Variants in ATP10A observed in about 807,000 individuals in gnomAD.
The protein encoded by ATP10A is phospholipid-transporting ATPase VA.
ATP10A carries 111 observed loss-of-function variants against 147.8 expected under a neutral mutation model. The ratio of observed to expected loss-of-function variants is 0.75; its 90% CI spans 0.64 to 0.88. The LOEUF (loss-of-function observed/expected upper bound fraction) is 0.88, where lower values mean the gene tolerates loss of function less well. Among genes scored for constraint, ATP10A ranks in the 40% least tolerant of loss-of-function variants. The probability of loss-of-function intolerance (pLI) is 0.00; values close to 1 mark genes in which losing one functional copy is unlikely to be tolerated. For synonymous variants in ATP10A, 875 were observed against 841.6 expected, an observed-to-expected ratio of 1.04 and a Z score of -0.69; for missense variants, 1,927 against 1,959.0, an observed-to-expected ratio of 0.98 and a Z score of 0.31.
chr15:25,838,490 A>G (rs954996286), intron 1 of ATP10A, among the ~76,000 whole-genome samples: 2 of 152,182 alleles, frequency 1.3e-5, no homozygotes, highest in African/African-American at 4.8e-5. Context: ...CACACTGTTA[A>G]TATGAAAGCC....
chr15:25,780,826 C>T (rs1248699241), intron 2 of ATP10A, among the ~76,000 whole-genome samples, 193 bp downstream of exon 2: 1 of 152,218 alleles, frequency 6.6e-6, no homozygotes, highest in African/African-American at 2.4e-5. Context: ...CTGAATCCTG[C>T]TTCCCACAGT....
intron 12 of ATP10A, among the ~76,000 whole-genome samples, chr15:25,706,732 G>A (rs902932188): frequency 3.3e-5 from 5 of 152,190 alleles, no homozygotes; most frequent in African/African-American, 1.2e-4. Flanking sequence ...GGCACCGGAG[G>A]GCCAATTTCA....
At chr15:25,721,618 G>T in intron 7 of ATP10A, 39 bp downstream of exon 7, 1 of 1,559,900 alleles carries the variant, frequency 6.4e-7, no homozygotes. Flanking sequence ...CAGCTTTCTG[G>T]TTCAGCCTGG....
chr15:25,775,402 C>T (rs905509543), intron 2 of ATP10A, among the ~76,000 whole-genome samples: 3 of 152,210 alleles, frequency 2.0e-5, no homozygotes, highest in Non-Finnish European at 4.4e-5. Flanking sequence ...AGCCTGAATA[C>T]ACCAGGCCCC....
Position 25,681,672 on chromosome 15 carries a change from A to G in ATP10A, c.3493-598T>C, listed in dbSNP as rs375247633. On this transcript the variant is annotated intron_variant, in intron 17 of 20. Coordinates refer to ENST00000555815, the MANE Select transcript of ATP10A (RefSeq NM_024490.4). Reference sequence around the variant, plus strand: ...GAGGCCCGATGAAAAGCACTACCAAACACCTACAAAACTATCTGCAGCTGC... The same window carrying G: ...GAGGCCCGATGAAAAGCACTACCAAGCACCTACAAAACTATCTGCAGCTGC... 1.7e-4 allele frequency among the ~76,000 whole-genome samples: 26 copies of G among 152,262 alleles called. No individual in the cohort carries two copies. The Middle Eastern group carries it at 0.01, about 60-fold the overall frequency.
At chr15:25,682,112 G>A (rs1015360954) in intron 17 of ATP10A, among the ~76,000 whole-genome samples, 6 of 148,686 alleles carry the variant, frequency 4.0e-5, no homozygotes, top group Non-Finnish European at 8.9e-5. Flanking sequence ...CAGGGAACAT[G>A]TCTCTCAAGT....
chr15:25,689,632 C>T (rs183013821), intron 15 of ATP10A, among the ~76,000 whole-genome samples: 1 of 152,346 alleles, frequency 6.6e-6, no homozygotes, highest in East Asian at 1.9e-4. Flanking sequence ...AGGTATCAAG[C>T]CTCGTCCCCA....
rs116761981 is a variant in ATP10A, at chr15:25,791,434, C to T, written c.450-10211G>A. Among the ~76,000 whole-genome samples the T allele has an allele frequency of 4.0e-3, 602 of 152,236 alleles. 4 individuals are homozygous for T. Among genetic ancestry groups the T allele is most frequent in the African/African-American group, 0.014 (570 of 41,558 alleles). The stretch of plus-strand genomic sequence containing the variant: ...GCTGGAGTGCAGTGGCACAATCTAG[C>T]TTACTGCAGTGGCACAATCACAGCT... On this transcript the variant is annotated intron_variant, in intron 1 of 20. Coordinates refer to ENST00000555815, the MANE Select transcript of ATP10A (RefSeq NM_024490.4).
chr15:25,682,587 C>A (rs960818378), intron 17 of ATP10A, among the ~76,000 whole-genome samples: 2 of 152,198 alleles, frequency 1.3e-5, no homozygotes, highest in African/African-American at 4.8e-5. Context: ...ATGGGAACTC[C>A]CCTGAAGCAA....
At chr15:25,749,926 C>A (rs569834574) in intron 2 of ATP10A, among the ~76,000 whole-genome samples, 2 of 151,736 alleles carry the variant, frequency 1.3e-5, no homozygotes, top group East Asian at 1.9e-4. Flanking sequence ...ACTATCCAAA[C>A]GGAAATACTA....
At chr15:25,833,051 C>T (rs1294428478) in intron 1 of ATP10A, among the ~76,000 whole-genome samples, 3 of 139,834 alleles carry the variant, frequency 2.1e-5, no homozygotes, top group African/African-American at 5.4e-5. Context: ...GGTGTGATCT[C>T]GGCTCACTGC....
chr15:25,797,278 T>C (rs1468914591), intron 1 of ATP10A, among the ~76,000 whole-genome samples: 2 of 152,246 alleles, frequency 1.3e-5, no homozygotes, highest in Non-Finnish European at 2.9e-5. Flanking sequence ...TCATCTGTGC[T>C]GTTGCAAGTT....
At chr15:25,681,731 G>A (rs1048977851) in intron 17 of ATP10A, among the ~76,000 whole-genome samples, 1 of 152,126 alleles carries the variant, frequency 6.6e-6, no homozygotes, top group Non-Finnish European at 1.5e-5. Flanking sequence ...CCAAAAAGAC[G>A]AGCTTCAGTA....
At chr15:25,725,386 A>G (rs1009340279) in intron 5 of ATP10A, among the ~76,000 whole-genome samples, 4 of 152,290 alleles carry the variant, frequency 2.6e-5, no homozygotes, top group African/African-American at 7.2e-5. Flanking sequence ...ATTCCACTTC[A>G]TGTCAGGGAC....
chr15:25,723,606 A>T (rs1014217984), intron 6 of ATP10A, among the ~76,000 whole-genome samples: 46 of 152,024 alleles, frequency 3.0e-4, no homozygotes, highest in African/African-American at 7.9e-4. Context: ...TATTTTTTTT[A>T]AAAGTAACTG....
chr15:25,751,488 A>G (rs1420773270), intron 2 of ATP10A, among the ~76,000 whole-genome samples: 3 of 152,162 alleles, frequency 2.0e-5, no homozygotes, highest in African/African-American at 7.2e-5. Flanking sequence ...CACATAGAGC[A>G]TTTAGCAAGA....
intron 3 of ATP10A, among the ~76,000 whole-genome samples, chr15:25,729,342 C>T (rs1902805577): frequency 6.6e-6 from 1 of 152,164 alleles, no homozygotes; most frequent in African/African-American, 2.4e-5. Context: ...GACTCCTCCC[C>T]CATTTTTACA....
At chr15:25,693,159 C>T (rs112683509) in intron 14 of ATP10A, among the ~76,000 whole-genome samples, 32 of 152,190 alleles carry the variant, frequency 2.1e-4, no homozygotes, top group African/African-American at 7.7e-4. Flanking sequence ...GTAGCTGAGA[C>T]TGCAGGTGTG....
chr15:25,708,190 C>T lies in ATP10A; in HGVS notation c.2448+7G>A, dbSNP rs376913232. ...ACGTGCACCCTCGCGGAGACACCCC[C>T]ACTCACTCTCTTGGCGATGCACAAG... is the stretch of plus-strand genomic sequence containing the variant. On this transcript the variant is annotated splice_region_variant and intron_variant, in intron 11 of 20. Transcript: ENST00000555815. 3.0e-5 allele frequency: 49 copies of T among 1,614,114 alleles called. No homozygotes were observed. The highest frequency in any genetic ancestry group is 4.0e-5 in the African/African-American group (3 of 74,958).
Sources: allele counts gnomAD v4.1 joint callset (sites outside exome capture counted in the v4.1 genomes callset), GRCh38; gene constraint gnomAD v4.1.1; transcripts MANE v1.5; gene names NCBI Gene and HGNC (gene_info 2026-07-23, HGNC 2026-07-21).